Variants in PLEKHH2 observed in about 807,000 individuals in gnomAD.
PLEKHH2 encodes the protein pleckstrin homology domain-containing family H member 2.
In PLEKHH2, 129 loss-of-function variants were observed where a neutral mutation model predicts 187.9. The ratio of observed to expected loss-of-function variants is 0.69; its 90% CI spans 0.59 to 0.79. PLEKHH2 has a LOEUF of 0.79. Among genes scored for constraint, PLEKHH2 ranks in the 30% least tolerant of loss-of-function variants. PLEKHH2 has a pLI of 0.00. For missense variants in PLEKHH2, 2,076 were observed against 1,751.2 expected, an observed-to-expected ratio of 1.19 and a Z score of -3.31; for synonymous variants, 686 against 605.6, an observed-to-expected ratio of 1.13 and a Z score of -1.95.
At chr2:43,642,794 C>A in intron 1 of PLEKHH2, among the ~76,000 whole-genome samples, 1 of 152,114 alleles carries the variant, frequency 6.6e-6, no homozygotes, top group East Asian at 1.9e-4. Flanking sequence ...AATATCCACT[C>A]TTCATGTTAT....
chr2:43,710,087 C>T lies in PLEKHH2; in HGVS notation c.2064C>T (p.Leu688=), dbSNP rs527390850. 6.2e-7 allele frequency: 1 copy of T among 1,612,808 alleles called. No homozygotes were observed. Among genetic ancestry groups the T allele is most frequent in the South Asian group, 1.1e-5 (1 of 90,822 alleles). ...DTEYSQPEQK[L]PKTCSSSSDN... Reference sequence around the variant, plus strand: ...AGTACTCACAGCCAGAGCAGAAGCTCCCAAAAACTTGCTCATCTTCCAGTG... The same window carrying T: ...AGTACTCACAGCCAGAGCAGAAGCTTCCAAAAACTTGCTCATCTTCCAGTG... The change falls in exon 12 of 30, where the codon CTC becomes CTT. Residue 688 remains leucine (L), a synonymous_variant. Coordinates refer to ENST00000282406, the MANE Select transcript of PLEKHH2 (RefSeq NM_172069.4).
At chr2:43,671,198 G>A (rs1667482744) in intron 2 of PLEKHH2, among the ~76,000 whole-genome samples, 2 of 151,924 alleles carry the variant, frequency 1.3e-5, no homozygotes, top group South Asian at 4.2e-4. Context: ...TGTTGGCCAG[G>A]CTGGTCTAGA....
intron 2 of PLEKHH2, chr2:43,675,822 C>T: frequency 6.2e-7 from 1 of 1,613,940 alleles, no homozygotes; most frequent in Non-Finnish European, 8.5e-7. Context: ...CAGTGTGGCC[C>T]AGATAGAAGG....
chr2:43,723,447 G>T (rs1055972698), intron 16 of PLEKHH2, among the ~76,000 whole-genome samples: 2 of 152,172 alleles, frequency 1.3e-5, no homozygotes, highest in Non-Finnish European at 2.9e-5. Flanking sequence ...AGAGACTTGG[G>T]CTGGGGTAGT....
chr2:43,690,796 A>G (rs1668754407), intron 3 of PLEKHH2, among the ~76,000 whole-genome samples: 1 of 152,206 alleles, frequency 6.6e-6, no homozygotes, highest in East Asian at 1.9e-4. Flanking sequence ...AACATCTCTT[A>G]TTTGGATCTC....
intron 2 of PLEKHH2, 68 bp downstream of exon 2, chr2:43,644,864 T>A: frequency 7.0e-7 from 1 of 1,435,706 alleles, no homozygotes. Context: ...TTATATTAAA[T>A]AATCTCAGTA....
At chr2:43,703,671 T>C (rs1669501681) in intron 8 of PLEKHH2, among the ~76,000 whole-genome samples, 1 of 152,154 alleles carries the variant, frequency 6.6e-6, no homozygotes. Context: ...AGGTGGTGTT[T>C]ATGTGTAGTC....
intron 3 of PLEKHH2, among the ~76,000 whole-genome samples, chr2:43,687,362 G>C (rs1668573073): frequency 6.6e-6 from 1 of 152,160 alleles, no homozygotes; most frequent in African/African-American, 2.4e-5. Context: ...TCCCTGGTGT[G>C]TATGTACCAC....
At chr2:43,734,415 T>TTA (rs1671193096) in intron 19 of PLEKHH2, among the ~76,000 whole-genome samples, 1 of 152,110 alleles carries the variant, frequency 6.6e-6, no homozygotes, top group Non-Finnish European at 1.5e-5. Flanking sequence ...AAAAAACAAA[T>TTA]AATCCAATTT....
intron 2 of PLEKHH2, among the ~76,000 whole-genome samples, chr2:43,655,115 A>G (rs906291450): frequency 1.3e-5 from 2 of 152,148 alleles, no homozygotes; most frequent in Non-Finnish European, 2.9e-5. Context: ...CTGAGGCAAG[A>G]GGATCGCCTG....
At chr2:43,744,190 A>T (rs981320701) in intron 23 of PLEKHH2, 2 of 1,149,068 alleles carry the variant, frequency 1.7e-6, no homozygotes, top group African/African-American at 3.1e-5. Context: ...ACATATACAC[A>T]TTCCATATTA....
At chr2:43,637,836 T>C (rs1034026421) in intron 1 of PLEKHH2, among the ~76,000 whole-genome samples, 14 of 152,116 alleles carry the variant, frequency 9.2e-5, no homozygotes, top group Non-Finnish European at 1.9e-4. Flanking sequence ...AACTCAAAAC[T>C]TTAAAGAAGC....
intron 2 of PLEKHH2, among the ~76,000 whole-genome samples, chr2:43,659,165 T>G (rs982895832): frequency 1.3e-5 from 2 of 151,064 alleles, no homozygotes; most frequent in African/African-American, 4.9e-5. Context: ...ATTTTTTTCT[T>G]TTTTTTGGTA....
At position 43,707,474 on chromosome 2, in the gene PLEKHH2, C is replaced by T; in HGVS notation, c.1895C>T (p.Ser632Phe). 1 of 1,614,176 alleles carries T rather than the reference C, an allele frequency of 6.2e-7. No individual in the cohort carries two copies. The highest frequency in any genetic ancestry group is 1.1e-5 in the South Asian group (1 of 91,086). The change falls in exon 11 of 30, where the codon TCC becomes TTC. Residue 632 changes from serine to phenylalanine, a missense_variant. Transcript: ENST00000282406. Reference protein sequence around the residue: ...SGSEEEDSSRSSSRTSESDSR... With the variant: ...SGSEEEDSSRFSSRTSESDSR... Reference sequence around the variant, plus strand: ...TCAGAGGAAGAAGACAGCTCCAGATCCAGCTCCCGGACGTCAGAGTCAGAC... The same window carrying T: ...TCAGAGGAAGAAGACAGCTCCAGATTCAGCTCCCGGACGTCAGAGTCAGAC...
intron 2 of PLEKHH2, among the ~76,000 whole-genome samples, chr2:43,656,239 G>T (rs780529147): frequency 6.6e-6 from 1 of 152,216 alleles, no homozygotes; most frequent in Non-Finnish European, 1.5e-5. Context: ...TTACAGGCAT[G>T]AGTCACTGTG....
chr2:43,697,418 G>T, intron 7 of PLEKHH2, 62 bp downstream of exon 7: 1 of 1,368,398 alleles, frequency 7.3e-7, no homozygotes. Flanking sequence ...CATTTGCTAA[G>T]ATTAATCCAA....
At position 43,710,289 on chromosome 2, in the gene PLEKHH2, T is replaced by A; in HGVS notation, c.2173T>A (p.Phe725Ile). Reference protein sequence around the residue: ...GKVKSWKRRWFVLKGGELLYY... With the variant: ...GKVKSWKRRWIVLKGGELLYY... ...AGTCAAGTCTTGGAAGCGGCGGTGG[T>A]TTGTTCTTAAAGGTGGTGAATTACT... Residue 725 changes from phenylalanine (F) to isoleucine (I), a missense_variant, in exon 13 of 30, where the codon TTT (phenylalanine) becomes ATT (isoleucine). By Grantham distance (21) the Phe-to-Ile change is conservative (BLOSUM62 0). Transcript: ENST00000282406. The A allele has an allele frequency of 6.2e-7, 1 of 1,614,086 alleles. No homozygotes were observed. Among genetic ancestry groups the A allele is most frequent in the Non-Finnish European group, 8.5e-7 (1 of 1,179,998 alleles).
intron 2 of PLEKHH2, among the ~76,000 whole-genome samples, chr2:43,650,998 G>T: frequency 6.6e-6 from 1 of 151,876 alleles, no homozygotes; most frequent in Non-Finnish European, 1.5e-5. Flanking sequence ...AATAATCTAA[G>T]TTTTATTGGA....
At chr2:43,701,725 T>C (rs1669376148) in intron 8 of PLEKHH2, among the ~76,000 whole-genome samples, 1 of 151,882 alleles carries the variant, frequency 6.6e-6, no homozygotes, top group Non-Finnish European at 1.5e-5. Context: ...AAAAAAATTC[T>C]TCCAATATTT....
Sources: allele counts gnomAD v4.1 joint callset (sites outside exome capture counted in the v4.1 genomes callset), GRCh38; gene constraint gnomAD v4.1.1; transcripts MANE v1.5; gene names NCBI Gene and HGNC (gene_info 2026-07-23, HGNC 2026-07-21).